Variants in OPA1 observed in about 807,000 individuals in gnomAD.
OPA1 encodes dynamin-like GTPase OPA1, mitochondrial.
A neutral mutation model predicts 152.9 loss-of-function variants in OPA1; 59 were observed. That is an observed-to-expected ratio of 0.39 (90% CI 0.31 to 0.48). The LOEUF (loss-of-function observed/expected upper bound fraction) is 0.48, where lower values mean the gene tolerates loss of function less well. OPA1 is among the 20% of genes least tolerant of loss of function. The pLI is 0.96. For missense variants in OPA1, 1,008 were observed against 1,216.8 expected (o/e 0.83, Z 2.55); for synonymous variants, 400 against 389.9 (o/e 1.03, Z -0.31).
chr3:193,671,839 CT>C (rs1176092317), intron 29 of OPA1, among the ~76,000 whole-genome samples: 4 of 152,192 alleles, frequency 2.6e-5, no homozygotes, highest in African/African-American at 9.6e-5. Context: ...GGAAATGAGA[CT>C]TTTGAGAACA....
chr3:193,615,267 G>A (rs1728841519), intron 2 of OPA1, among the ~76,000 whole-genome samples: 1 of 152,166 alleles, frequency 6.6e-6, no homozygotes, highest in South Asian at 2.1e-4. Context: ...ACAGGGCTGG[G>A]AATAGGAACA....
Position 193,659,490 on chromosome 3 carries a change from G to A in OPA1, c.2449G>A (p.Ala817Thr), listed in dbSNP as rs1659015261. The A allele has an allele frequency of 6.2e-7, 1 of 1,609,382 alleles. No individual in the cohort carries two copies. The highest frequency in any genetic ancestry group is 1.7e-5 in the Admixed American group (1 of 59,738). ...TTAATTTTTTTTTCTAGCTGAAAAT[G>A]CAATTGAAAACATGGTGGGTCCAGA... The part of the protein sequence containing the change: ...LQARLKDTEN[A>T]IENMVGPDWK... The change falls in exon 25 of 31, where the codon GCA (alanine) becomes ACA (threonine). Residue 817 changes from alanine (A) to threonine (T), a missense_variant. By Grantham distance (58) the Ala-to-Thr change is moderately conservative. This residue lies in a region of OPA1 where 229 missense variants were observed against 269.0 expected (regional missense o/e 0.85). Coordinates refer to ENST00000361510, the MANE Select transcript of OPA1 (RefSeq NM_130837.3).
At chr3:193,631,863 C>T (rs1346739873) in intron 8 of OPA1, 198 bp downstream of exon 8, 2 of 598,520 alleles carry the variant, frequency 3.3e-6, no homozygotes, top group Non-Finnish European at 6.0e-6. Context: ...GGAGTTAACT[C>T]ATTTATATGT....
intron 21 of OPA1, among the ~76,000 whole-genome samples, chr3:193,652,066 A>G (rs1223626344): frequency 6.6e-6 from 1 of 152,186 alleles, no homozygotes; most frequent in Non-Finnish European, 1.5e-5. Flanking sequence ...AAAACCTGGA[A>G]TAGAGAAGTC....
chr3:193,679,845 A>G (rs550904261), intron 29 of OPA1, among the ~76,000 whole-genome samples: 6 of 152,342 alleles, frequency 3.9e-5, no homozygotes, highest in South Asian at 2.1e-4. Flanking sequence ...TGATTGTTCA[A>G]TAGAAAAGAA....
chr3:193,683,273 CT>C (rs35730104), intron 29 of OPA1, among the ~76,000 whole-genome samples: 60,196 of 140,554 alleles, frequency 0.43, 12,466 homozygotes, highest in Non-Finnish European at 0.44. Context: ...TTTCTTTTTT[CT>C]TTTTTTTTTT....
intron 29 of OPA1, among the ~76,000 whole-genome samples, chr3:193,674,800 A>G (rs1206240630): frequency 6.6e-6 from 1 of 152,246 alleles, no homozygotes; most frequent in Non-Finnish European, 1.5e-5. Flanking sequence ...TCTGTGAAGT[A>G]GTATGAGATG....
At chr3:193,596,904 A>G (rs1725696622) in intron 1 of OPA1, 1 of 152,230 alleles carries the variant, frequency 6.6e-6, no homozygotes, top group Admixed American at 6.5e-5. Flanking sequence ...TATTAACACC[A>G]AAGAAGACGT....
chr3:193,596,375 C>CTTTTGTTTTCTTTTG (rs1560301653), intron 1 of OPA1, among the ~76,000 whole-genome samples: 1 of 74,152 alleles, frequency 1.3e-5, no homozygotes, highest in African/African-American at 5.9e-5. Context: ...ATTTTCTTTT[C>CTTTTGTTTTCTTTTG]TTTTCTTTTC....
intron 1 of OPA1, among the ~76,000 whole-genome samples, chr3:193,600,501 C>T (rs975313585): frequency 5.9e-5 from 9 of 151,982 alleles, no homozygotes; most frequent in African/African-American, 1.7e-4. Flanking sequence ...AAGAGGACAC[C>T]GTCAAAATGC....
chr3:193,676,379 G>A (rs1718986230), intron 29 of OPA1, among the ~76,000 whole-genome samples: 1 of 151,904 alleles, frequency 6.6e-6, no homozygotes, highest in South Asian at 2.1e-4. Context: ...TTTATAGTAA[G>A]GCAGTTAACA....
intron 21 of OPA1, among the ~76,000 whole-genome samples, chr3:193,651,500 A>G (rs1289716404): frequency 2.6e-5 from 4 of 152,232 alleles, no homozygotes; most frequent in Non-Finnish European, 5.9e-5. Flanking sequence ...TATGCAAATG[A>G]TATATTTGAC....
intron 1 of OPA1, among the ~76,000 whole-genome samples, chr3:193,597,363 G>T (rs923231850): frequency 2.6e-5 from 4 of 152,118 alleles, no homozygotes; most frequent in Admixed American, 2.0e-4. Flanking sequence ...AGCCTATGGT[G>T]CCCTCCGTAA....
At chr3:193,632,975 G>A (rs1443411581) in intron 8 of OPA1, among the ~76,000 whole-genome samples, 1 of 152,180 alleles carries the variant, frequency 6.6e-6, no homozygotes, top group Non-Finnish European at 1.5e-5. Flanking sequence ...AGCGTGTTTT[G>A]GATTTCAGAT....
intron 29 of OPA1, chr3:193,691,596 C>T (rs1234032259): frequency 6.5e-6 from 1 of 152,984 alleles, no homozygotes; most frequent in Admixed American, 6.5e-5. Flanking sequence ...TGATCTTTTC[C>T]TTTGTAACTC....
rs753290566 is a variant in OPA1 at position 193,666,426 on chromosome 3, T to TA, written c.2872+43dup. On this transcript the variant is annotated intron_variant, in intron 28 of 30. Transcript: ENST00000361510. ...AGGGACTGCAGTCTTATTTTGACAT[T>TA]AAAAAATAATAGTGGTAATATCCAT... 2.1e-6 allele frequency: 3 copies of TA among 1,410,340 alleles called. No homozygotes were observed. The East Asian group carries it at 6.8e-5, about 32-fold the overall frequency. 87.4% of individuals were successfully genotyped at this position (1,410,340 alleles called of 1,614,324 possible).
chr3:193,690,075 A>G (rs1011207477), intron 29 of OPA1, among the ~76,000 whole-genome samples: 2 of 151,980 alleles, frequency 1.3e-5, no homozygotes, highest in African/African-American at 4.8e-5. Context: ...TTTTTAAACT[A>G]AGAATGTGGC....
At chr3:193,595,922 C>G (rs943771671) in intron 1 of OPA1, among the ~76,000 whole-genome samples, 2 of 152,122 alleles carry the variant, frequency 1.3e-5, no homozygotes, top group Admixed American at 6.5e-5. Context: ...AAAGGAAAAG[C>G]ATACATATAC....
chr3:193,666,640 T>C (rs1716611343), intron 28 of OPA1, among the ~76,000 whole-genome samples: 1 of 152,016 alleles, frequency 6.6e-6, no homozygotes, highest in African/African-American at 2.4e-5. Context: ...ATAAAATAAA[T>C]TAGCCGGGCA....
Sources: allele counts gnomAD v4.1 joint callset (sites outside exome capture counted in the v4.1 genomes callset), GRCh38; gene constraint gnomAD v4.1.1; regional missense constraint gnomAD v4.1.1; transcripts MANE v1.5; gene names NCBI Gene and HGNC (gene_info 2026-07-23, HGNC 2026-07-21).